The following ITK variants were observed in gnomAD, a reference collection of about 807,000 sequenced individuals.
The protein encoded by ITK is IL2 inducible T cell kinase.
Under a neutral mutation model 87.6 loss-of-function variants are expected in ITK, and 45 were observed. The observed-to-expected ratio is 0.51, with a 90% CI of 0.40 to 0.66. The LOEUF (loss-of-function observed/expected upper bound fraction) is 0.66, where lower values mean the gene tolerates loss of function less well. Among genes scored for constraint, ITK ranks in the 30% least tolerant of loss-of-function variants. The probability of loss-of-function intolerance (pLI) is 0.00; values close to 1 mark genes in which losing one functional copy is unlikely to be tolerated. For missense variants in ITK, 605 were observed against 766.3 expected, an observed-to-expected ratio of 0.79 and a Z score of 2.48; for synonymous variants, 303 against 273.6, an observed-to-expected ratio of 1.11 and a Z score of -1.06.
intron 15 of ITK, 122 bp from the exon 16 acceptor site, chr5:157,248,728 G>A: frequency 1.8e-6 from 2 of 1,097,948 alleles, no homozygotes; most frequent in East Asian, 2.4e-5. Flanking sequence ...TAGACTTGAT[G>A]CACTTCTGGA....
At chr5:157,249,931 A>AT (rs955364985) in intron 16 of ITK, among the ~76,000 whole-genome samples, 21 of 152,268 alleles carry the variant, frequency 1.4e-4, no homozygotes, top group African/African-American at 5.1e-4. Flanking sequence ...TCATTTATTG[A>AT]TTTTTTTAAA....
rs369919319 is a variant in ITK, at chr5:157,223,007, A to G, written c.640A>G (p.Arg214Gly). Residue 214 changes from arginine (R) to glycine (G), a missense_variant, in exon 6 of 17, where the codon AGG becomes GGG. By Grantham distance (125) the Arg-to-Gly change is moderately radical (BLOSUM62 -2). This residue lies in a region of ITK where 464 missense variants were observed against 578.0 expected (regional missense o/e 0.80). Coordinates refer to ENST00000422843, the MANE Select transcript of ITK (RefSeq NM_005546.4). ...GATTCACTGGTGGAGAGTCCAGGAC[A>G]GGAATGGGTAAGTCATCTTTGTGGC... ...SEIHWWRVQD[R>G]NGHEGYVPSS... 1.2e-6 allele frequency: 2 copies of G among 1,614,116 alleles called. No homozygotes were observed.
chr5:157,208,644 C>T (rs1190065672), intron 1 of ITK, among the ~76,000 whole-genome samples: 2 of 152,114 alleles, frequency 1.3e-5, no homozygotes, highest in Non-Finnish European at 2.9e-5. Context: ...GTACATGACC[C>T]CGTGTCTCAC....
intron 8 of ITK, among the ~76,000 whole-genome samples, chr5:157,232,938 A>C (rs1287741271): frequency 6.6e-6 from 1 of 152,218 alleles, no homozygotes; most frequent in Non-Finnish European, 1.5e-5. Flanking sequence ...CTCAGCTGTG[A>C]GTCCAGAGGA....
intron 1 of ITK, among the ~76,000 whole-genome samples, chr5:157,198,755 C>T (rs1471685107): frequency 4.6e-5 from 7 of 152,100 alleles, no homozygotes; most frequent in Non-Finnish European, 2.9e-5. Context: ...ATGAGCATAT[C>T]TTTTTTGTTT....
intron 1 of ITK, among the ~76,000 whole-genome samples, chr5:157,202,327 C>T (rs1753993923): frequency 6.6e-6 from 1 of 152,132 alleles, no homozygotes; most frequent in Non-Finnish European, 1.5e-5. Flanking sequence ...AATTCTTGTG[C>T]CTCAGCCACC....
At chr5:157,213,423 G>A (rs1754232752) in intron 3 of ITK, 1 of 348,428 alleles carries the variant, frequency 2.9e-6, no homozygotes, top group East Asian at 7.8e-5. Flanking sequence ...TGTTACCCAG[G>A]CTGGAGTGCA....
intron 1 of ITK, among the ~76,000 whole-genome samples, chr5:157,185,143 TTCTGGAATCAGACAGA>T (rs1753615432): frequency 6.6e-6 from 1 of 152,216 alleles, no homozygotes; most frequent in African/African-American, 2.4e-5. Flanking sequence ...CAAACACTGC[TTCTGGAATCAGACAGA>T]TCTGGGTCAA....
chr5:157,254,776 G>A lies in ITK; in HGVS notation c.*2098G>A, dbSNP rs1755218404. 6 of 218,482 alleles carry A rather than the reference G, an allele frequency of 2.7e-5. No individual in the cohort carries two copies. Among genetic ancestry groups the A allele is most frequent in the Admixed American group, 5.8e-5 (1 of 17,272 alleles). The allele number at this position is 218,482 out of a possible 1,614,324, so 13.5% of individuals were successfully genotyped here. ...ACATTGGAATTGACTGATCTCTGTG[G>A]TTTGGTTTAGAAAATTCCCCTGTGC... On this transcript the variant is annotated 3_prime_UTR_variant, in exon 17 of 17. Transcript: ENST00000422843.
intron 3 of ITK, among the ~76,000 whole-genome samples, chr5:157,212,424 T>C (rs1034753820): frequency 6.6e-6 from 1 of 152,234 alleles, no homozygotes; most frequent in African/African-American, 2.4e-5. Flanking sequence ...CCCGAGGTTG[T>C]TGTGAGCCTT....
intron 7 of ITK, among the ~76,000 whole-genome samples, chr5:157,229,786 C>T (rs1430106725): frequency 4.6e-5 from 7 of 152,122 alleles, no homozygotes; most frequent in African/African-American, 1.2e-4. Context: ...TGATGGCACA[C>T]GCCTGTAGTC....
chr5:157,203,844 A>T (rs1359843524), intron 1 of ITK, among the ~76,000 whole-genome samples: 1 of 152,232 alleles, frequency 6.6e-6, no homozygotes, highest in Non-Finnish European at 1.5e-5. Flanking sequence ...ACTGATATGT[A>T]GAGCAAGACA....
rs1293711056 is a variant in ITK at position 157,249,011 on chromosome 5, A to C, written c.1791+4A>C. On this transcript the variant is annotated splice_donor_region_variant and intron_variant, in intron 16 of 16. Transcript: ENST00000422843. ...TATGAATCACTGCTGGAAAGAGGTC[A>C]GTGGAGGAAGTGCTTCCCCATGCAT... 1.9e-6 allele frequency: 3 copies of C among 1,613,128 alleles called. No homozygotes were observed. Among genetic ancestry groups the C allele is most frequent in the East Asian group, 4.5e-5 (2 of 44,884 alleles).
intron 1 of ITK, among the ~76,000 whole-genome samples, chr5:157,192,305 G>A (rs1753768139): frequency 6.6e-6 from 1 of 152,192 alleles, no homozygotes; most frequent in South Asian, 2.1e-4. Context: ...TGGTCTGAAA[G>A]GTTCCCATGA....
chr5:157,217,092 C>A (rs1435784691), intron 4 of ITK, among the ~76,000 whole-genome samples: 1 of 152,024 alleles, frequency 6.6e-6, no homozygotes, highest in Non-Finnish European at 1.5e-5. Flanking sequence ...CCAGACACAG[C>A]CACACACCTT....
chr5:157,203,021 C>T (rs1245308043), intron 1 of ITK, among the ~76,000 whole-genome samples: 1 of 152,238 alleles, frequency 6.6e-6, no homozygotes, highest in East Asian at 1.9e-4. Flanking sequence ...GCTGCTTGCT[C>T]TACCTGGGAT....
intron 16 of ITK, among the ~76,000 whole-genome samples, chr5:157,250,403 T>A (rs1264094545): frequency 1.3e-5 from 2 of 152,234 alleles, no homozygotes; most frequent in African/African-American, 4.8e-5. Context: ...AGCTCATTTC[T>A]TTTTGTTGCC....
At chr5:157,243,223 C>T (rs1182611401) in intron 11 of ITK, among the ~76,000 whole-genome samples, 1 of 152,202 alleles carries the variant, frequency 6.6e-6, no homozygotes, top group African/African-American at 2.4e-5. Flanking sequence ...GCCCCTCTGC[C>T]CCAGTAAGGC....
chr5:157,231,114 A>G (rs13154392), intron 7 of ITK, among the ~76,000 whole-genome samples: 2,491 of 152,342 alleles, frequency 0.016, 29 homozygotes, highest in Non-Finnish European at 0.027. Flanking sequence ...TAACATAGTC[A>G]TGGGTTGGTA....
Sources: allele counts gnomAD v4.1 joint callset (sites outside exome capture counted in the v4.1 genomes callset), GRCh38; gene constraint gnomAD v4.1.1; regional missense constraint gnomAD v4.1.1; transcripts MANE v1.5; gene names NCBI Gene and HGNC (gene_info 2026-07-23, HGNC 2026-07-21).